The following GTPBP6 variants were observed in gnomAD, a reference collection of about 807,000 sequenced individuals.
The protein encoded by GTPBP6 is putative GTP-binding protein 6.
In GTPBP6, 33 loss-of-function variants were observed where a neutral mutation model predicts 28.9. The observed-to-expected ratio is 1.14, with a 90% CI of 0.87 to 1.53. The LOEUF (loss-of-function observed/expected upper bound fraction) is 1.53. Among genes scored for constraint, GTPBP6 ranks in the 40% most tolerant of loss-of-function variants. The pLI is 0.00. For missense variants in GTPBP6, 507 were observed against 408.3 expected, an observed-to-expected ratio of 1.24 and a Z score of -2.08; for synonymous variants, 231 against 192.7, an observed-to-expected ratio of 1.20 and a Z score of -1.65.
At chrX:310,600 G>A (rs755440973) in intron 7 of GTPBP6, among the ~76,000 whole-genome samples, 4 of 142,962 alleles carry the variant, frequency 2.8e-5, no homozygotes, top group African/African-American at 1.1e-4. Flanking sequence ...AATGACTACT[G>A]TCCTTCTAAG....
rs1241274215 is a variant in GTPBP6 at position 305,814 on chromosome X, C to T, written c.1428-617G>A. Reference sequence around the variant, plus strand: ...TAATTTTTTGTATTTTTATTAGAGACGGGGTTTCACCGTGTTAGCCAGGCT... The same window carrying T: ...TAATTTTTTGTATTTTTATTAGAGATGGGGTTTCACCGTGTTAGCCAGGCT... On this transcript the variant is annotated intron_variant, in intron 9 of 9. Transcript: ENST00000326153. Among the ~76,000 whole-genome samples, 6 of 151,650 alleles carry T rather than the reference C, an allele frequency of 4.0e-5. No homozygotes were observed. In the South Asian group the frequency reaches 8.3e-4, roughly 21 times the overall value.
At chrX:311,047 C>T (rs1252666576) in intron 7 of GTPBP6, among the ~76,000 whole-genome samples, 6 of 152,116 alleles carry the variant, frequency 3.9e-5, no homozygotes, top group Non-Finnish European at 5.9e-5. Context: ...TATTTCTACA[C>T]GGGCTCACGG....
exon 10 of GTPBP6, chrX:304,794 T>G: frequency 7.4e-7 from 1 of 1,349,132 alleles, no homozygotes; most frequent in African/African-American, 1.5e-5. Flanking sequence ...TACGGAAACA[T>G]TCCGAGGGAA....
At position 315,222 on chromosome X, in the gene GTPBP6, G is replaced by T; in HGVS notation, c.558+7C>A. 2.5e-6 allele frequency: 1 copy of T among 398,666 alleles called. No individual in the cohort carries two copies. The highest frequency in any genetic ancestry group is 3.6e-5 in the East Asian group (1 of 28,052). 24.7% of individuals were successfully genotyped at this position (398,666 alleles called of 1,614,324 possible). On this transcript the variant is annotated splice_region_variant and intron_variant, in intron 3 of 9. Transcript: ENST00000326153. ...GGACAAACACAGCAAGCCACATCCTGTGGTACCTTGGTCGGGGCAGCCATC... is the reference window on the plus strand; with the variant it reads ...GGACAAACACAGCAAGCCACATCCTTTGGTACCTTGGTCGGGGCAGCCATC...
exon 9 of GTPBP6, chrX:307,385 C>T (rs1455586336): frequency 1.9e-6 from 3 of 1,612,540 alleles, no homozygotes; most frequent in South Asian, 1.1e-5. Flanking sequence ...GCGAGCCTCA[C>T]ACGGAGAGTG....
rs752799938 is a variant in GTPBP6, at chrX:311,535, C to T, written c.1009G>A (p.Gly337Ser). The T allele has an allele frequency of 1.9e-6, 3 of 1,612,168 alleles. No individual in the cohort carries two copies. In the African/African-American group the frequency reaches 4.0e-5, roughly 22 times the overall value. Reference sequence around the variant, plus strand: ...ACGGTCATGCGTGAGGGCAGCGTGCCCGCGTGGGCCGTGACGTCCAGCGTG... The same window carrying T: ...ACGGTCATGCGTGAGGGCAGCGTGCTCGCGTGGGCCGTGACGTCCAGCGTG... Residue 337 changes from glycine (G) to serine (S), a missense_variant, in exon 7 of 10, where the codon GGC becomes AGC. Coordinates refer to ENST00000326153, the Ensembl canonical transcript of GTPBP6.
At chrX:314,865 G>A in intron 4 of GTPBP6, 25 bp downstream of exon 4, 1 of 399,448 alleles carries the variant, frequency 2.5e-6, no homozygotes, top group Non-Finnish European at 4.4e-6. Flanking sequence ...GTGACGCTCG[G>A]CGCGGCCCAG....
exon 5 of GTPBP6, chrX:314,160 G>A: frequency 3.1e-6 from 5 of 1,612,374 alleles, no homozygotes; most frequent in Non-Finnish European, 4.2e-6. Flanking sequence ...CTGACCCCAT[G>A]ATGTAGCGCG....
chrX:306,747 C>G (rs1174243804), intron 9 of GTPBP6, among the ~76,000 whole-genome samples: 3 of 149,662 alleles, frequency 2.0e-5, no homozygotes, highest in African/African-American at 7.4e-5. Flanking sequence ...CTGTCAAGCA[C>G]AGATTAGGCA....
chrX:315,953 A>C (rs1274812884), intron 2 of GTPBP6, among the ~76,000 whole-genome samples: 1 of 20,386 alleles, frequency 4.9e-5, no homozygotes, highest in African/African-American at 2.6e-4. Context: ...GACACACACA[A>C]ACACAGTAAA....
Position 305,207 on chromosome X carries a change from G to C in GTPBP6, c.1428-10C>G. ...CTCCTTATACAGCCAGCTGGGCACA[G>C]ATGCGCGTTGTATGGAGACAAGCAG... On this transcript the variant is annotated splice_polypyrimidine_tract_variant and intron_variant, in intron 9 of 9. Transcript: ENST00000326153. 6.2e-7 allele frequency: 1 copy of C among 1,606,528 alleles called. No homozygotes were observed. Among genetic ancestry groups the C allele is most frequent in the Non-Finnish European group, 8.5e-7 (1 of 1,173,160 alleles).
At chrX:316,292 A>G (rs2070438989) in intron 2 of GTPBP6, among the ~76,000 whole-genome samples, 2 of 110,276 alleles carry the variant, frequency 1.8e-5, no homozygotes, top group African/African-American at 5.7e-5. Flanking sequence ...ATACATCCCG[A>G]CAGGGACAGA....
At chrX:311,343 CTG>C (rs372280890) in intron 7 of GTPBP6, 74 bp downstream of exon 7, 4 of 746,494 alleles carry the variant, frequency 5.4e-6, no homozygotes, top group Non-Finnish European at 8.0e-6. Context: ...CGACCCCTGG[CTG>C]TGTGTGTCTG....
rs1221227899 is a variant in GTPBP6, at chrX:316,301, G to GAC, written c.487+611_487+612dup. Among the ~76,000 whole-genome samples, 5 of 16,108 alleles carry GAC rather than the reference G, an allele frequency of 3.1e-4. 1 individual carries two copies. The highest frequency in any genetic ancestry group is 8.0e-4 in the African/African-American group (5 of 6,260). The allele number at this position is 16,108 out of a possible 152,430, so 10.6% of individuals were successfully genotyped here. A position where few individuals can be genotyped will look rare whatever the true frequency, so the allele number is the denominator to read the frequency against. The stretch of plus-strand genomic sequence containing the variant: ...CAGTAAATACATCCCGACAGGGACA[G>GAC]ACACACACACACATGCACCGTGGAC... On this transcript the variant is annotated intron_variant, in intron 2 of 9. Transcript: ENST00000326153.
chrX:307,147 CAA>C (rs1432066796), intron 9 of GTPBP6, among the ~76,000 whole-genome samples: 2 of 124,884 alleles, frequency 1.6e-5, no homozygotes, highest in Non-Finnish European at 3.0e-5. Context: ...TGCACAGTCA[CAA>C]ATGTAGATTT....
chrX:310,520 G>A (rs2070264249), intron 7 of GTPBP6, among the ~76,000 whole-genome samples: 1 of 127,096 alleles, frequency 7.9e-6, no homozygotes, highest in Non-Finnish European at 1.6e-5. Context: ...TGGAAACAGG[G>A]TCTCTGCAGA....
At chrX:316,962 G>A (rs1490423164) in exon 2 of GTPBP6, 2 of 398,548 alleles carry the variant, frequency 5.0e-6, no homozygotes, top group Non-Finnish European at 8.8e-6. Context: ...TTCCTGTCCG[G>A]CGTTTTGGTG....
chrX:314,081 A>G, intron 5 of GTPBP6, 69 bp downstream of exon 5: 2 of 1,198,276 alleles, frequency 1.7e-6, no homozygotes, highest in South Asian at 2.5e-5. Context: ...TCCAGGGCTG[A>G]GAAGGGTGGC....
At chrX:310,671 T>C (rs1429783858) in intron 7 of GTPBP6, among the ~76,000 whole-genome samples, 3 of 150,424 alleles carry the variant, frequency 2.0e-5, no homozygotes, top group African/African-American at 7.4e-5. Flanking sequence ...GAGACTGGAG[T>C]GATGCGGCCT....
Sources: allele counts gnomAD v4.1 joint callset (sites outside exome capture counted in the v4.1 genomes callset), GRCh38; gene constraint gnomAD v4.1.1; transcripts MANE v1.5; gene names NCBI Gene and HGNC (gene_info 2026-07-23, HGNC 2026-07-21).